The following MRPS18C variants were observed in gnomAD, a reference collection of about 807,000 sequenced individuals.
MRPS18C encodes the protein mitochondrial ribosomal protein S18C, also known as small ribosomal subunit protein bS18m.
Under a neutral mutation model 21.0 loss-of-function variants are expected in MRPS18C, and 21 were observed. The observed-to-expected ratio is 1.00, with a 90% CI of 0.71 to 1.44. MRPS18C has a LOEUF of 1.44. MRPS18C is among the 40% of genes most tolerant of loss of function. The pLI, the probability that MRPS18C is intolerant of heterozygous loss-of-function variation, is 0.00. For missense variants in MRPS18C, 152 were observed against 171.5 expected, an observed-to-expected ratio of 0.89 and a Z score of 0.64; for synonymous variants, 65 against 54.3, an observed-to-expected ratio of 1.20 and a Z score of -0.87.
At chr4:83,459,112 C>T (rs1721976818) in intron 3 of MRPS18C, 2 of 139,884 alleles carry the variant, frequency 1.4e-5, no homozygotes, top group South Asian at 4.6e-4. Context: ...TGCCATTGCA[C>T]TCCAGCCTGG....
chr4:83,456,700 T>C (rs1203402101), intron 1 of MRPS18C, among the ~76,000 whole-genome samples: 3 of 152,172 alleles, frequency 2.0e-5, no homozygotes, highest in African/African-American at 7.2e-5. Flanking sequence ...CGGGAAAATA[T>C]GTTCTTTTCC....
intron 2 of MRPS18C, 131 bp from the exon 3 acceptor site, chr4:83,458,215 G>T: frequency 1.6e-6 from 1 of 640,898 alleles, no homozygotes; most frequent in Non-Finnish European, 2.7e-6. Flanking sequence ...AAAATAAAGT[G>T]CTTATACAAA....
At position 83,462,261 on chromosome 4, in the gene MRPS18C, AAAAG is replaced by A. The variant is rs1722146838; in HGVS notation, c.*1065_*1068del. ...CTCAACAACTTAGTGAAAGGTGAAA[AAAAG>A]GTTTGGAAATAAAAGCATCTGATGT... On this transcript the variant is annotated 3_prime_UTR_variant, in exon 6 of 6. Transcript: ENST00000295491. 7 of 529,670 alleles carry A rather than the reference AAAAG, an allele frequency of 1.3e-5. No homozygotes were observed. The highest frequency in any genetic ancestry group is 2.3e-5 in the Non-Finnish European group (7 of 302,398). The allele number at this position is 529,670 out of a possible 1,614,324, so 32.8% of individuals were successfully genotyped here. A position where few individuals can be genotyped will look rare whatever the true frequency, so the allele number is the denominator to read the frequency against.
Position 83,461,869 on chromosome 4 carries a change from A to G in MRPS18C, c.*672A>G, listed in dbSNP as rs1722131768. The G allele has an allele frequency of 4.4e-6, 1 of 228,922 alleles. No individual in the cohort carries two copies. The highest frequency in any genetic ancestry group is 6.3e-5 in the East Asian group (1 of 15,842). The allele number at this position is 228,922 out of a possible 1,614,324, so 14.2% of individuals were successfully genotyped here. A position where few individuals can be genotyped will look rare whatever the true frequency, so the allele number is the denominator to read the frequency against. On this transcript the variant is annotated 3_prime_UTR_variant, in exon 6 of 6. Coordinates refer to ENST00000295491, the MANE Select transcript of MRPS18C (RefSeq NM_016067.4). ...ATTAAGGCTGCCAGATTTAGCAAGT[A>G]CAAATGTAGGACAAATTTAAATTTT...
chr4:83,461,168 A>G lies in MRPS18C; in HGVS notation c.400A>G (p.Lys134Glu), dbSNP rs753785951. 1 of 1,612,764 alleles carries G rather than the reference A, an allele frequency of 6.2e-7. No homozygotes were observed. Among genetic ancestry groups the G allele is most frequent in the African/African-American group, 1.3e-5 (1 of 74,996 alleles). The change falls in exon 6 of 6, where the codon AAA (lysine) becomes GAA (glutamate). Residue 134 changes from lysine to glutamate, a missense_variant. This residue lies in a region of MRPS18C where 34 missense variants were observed against 67.1 expected (regional missense o/e 0.51). Coordinates refer to ENST00000295491, the MANE Select transcript of MRPS18C (RefSeq NM_016067.4). ...YKDPAYLKDP[K>E]VCNIRYRE The stretch of plus-strand genomic sequence containing the variant: ...GGATCCTGCATATCTCAAGGACCCT[A>G]AAGTTTGTAACATCAGATATCGGGA...
At chr4:83,458,485 T>C in intron 3 of MRPS18C, 56 bp downstream of exon 3, 1 of 1,328,778 alleles carries the variant, frequency 7.5e-7, no homozygotes, top group Non-Finnish European at 1.0e-6. Flanking sequence ...ATAGATCTGC[T>C]TAAAGAGAAT....
Position 83,462,132 on chromosome 4 carries a change from A to G in MRPS18C, c.*935A>G, listed in dbSNP as rs978163251. The G allele has an allele frequency of 2.7e-5, 7 of 260,292 alleles. No homozygotes were observed. Among genetic ancestry groups the G allele is most frequent in the South Asian group, 2.7e-4 (2 of 7,356 alleles). The allele number at this position is 260,292 out of a possible 1,614,324, so 16.1% of individuals were successfully genotyped here. ...GGTCTCTAACTCCTAACTTCAATCA[A>G]TCCTCCTGACTTGTCTTCCCTAAGT... On this transcript the variant is annotated 3_prime_UTR_variant, in exon 6 of 6. Transcript: ENST00000295491.
At chr4:83,456,791 A>T in intron 1 of MRPS18C, 118 bp from the exon 2 acceptor site, 1 of 1,003,344 alleles carries the variant, frequency 1.0e-6, no homozygotes, top group Non-Finnish European at 1.5e-6. Flanking sequence ...TGAATATAAT[A>T]CAAAACCTTT....
rs1722084104 is a variant in MRPS18C, at chr4:83,460,999, AT to A, written c.320del (p.Ile107ThrfsTer10). 6.2e-7 allele frequency: 1 copy of A among 1,609,008 alleles called. No homozygotes were observed. Among genetic ancestry groups the A allele is most frequent in the Non-Finnish European group, 8.5e-7 (1 of 1,178,656 alleles). On this transcript the variant is annotated frameshift_variant, in exon 5 of 6. Transcript: ENST00000295491. LOFTEE classifies it high-confidence loss of function. The stretch of plus-strand genomic sequence containing the variant: ...TCTTTGTGGGAAGAAACAGAAAGAA[AT>A]CACAAAAGCAATTAAGAGAGCTCAA... ...TGLCGKKQKE[I>X]TKAIKRAQIM...
chr4:83,461,410 G>T lies in MRPS18C; in HGVS notation c.*213G>T. ...CTATGTTGAATAAAAGTGGTTCTGT[G>T]TGATTGTCATTTATATCTGATCCCC... On this transcript the variant is annotated 3_prime_UTR_variant, in exon 6 of 6. Transcript: ENST00000295491. 1 of 504,904 alleles carries T rather than the reference G, an allele frequency of 2.0e-6. No homozygotes were observed. Among genetic ancestry groups the T allele is most frequent in the Non-Finnish European group, 3.6e-6 (1 of 278,280 alleles). The allele number at this position is 504,904 out of a possible 1,614,324, so 31.3% of individuals were successfully genotyped here.
intron 2 of MRPS18C, chr4:83,458,058 A>T (rs537438783): frequency 1.7e-5 from 5 of 292,800 alleles, no homozygotes; most frequent in South Asian, 1.5e-4. Flanking sequence ...AAATCTAAAA[A>T]TTTTTTCATT....
chr4:83,458,114 C>A (rs1721933796), intron 2 of MRPS18C: 1 of 404,936 alleles, frequency 2.5e-6, no homozygotes, highest in Admixed American at 4.9e-5. Context: ...TATCAGACAT[C>A]ATTTTTGTTC....
At position 83,462,195 on chromosome 4, in the gene MRPS18C, A is replaced by G. The variant is rs1228930848; in HGVS notation, c.*998A>G. The stretch of plus-strand genomic sequence containing the variant: ...GGTGTGAGCCACTGTGCCTGGTCTC[A>G]CTTTTCCAATTCTAAAGAATGTGTC... On this transcript the variant is annotated 3_prime_UTR_variant, in exon 6 of 6. Coordinates refer to ENST00000295491, the MANE Select transcript of MRPS18C (RefSeq NM_016067.4). The G allele has an allele frequency of 1.0e-5, 4 of 382,082 alleles. No homozygotes were observed. Among genetic ancestry groups the G allele is most frequent in the Middle Eastern group, 1.4e-3 (2 of 1,416 alleles). 23.7% of individuals were successfully genotyped at this position (382,082 alleles called of 1,614,324 possible). A position where few individuals can be genotyped will look rare whatever the true frequency, so the allele number is the denominator to read the frequency against.
chr4:83,459,928 G>C, intron 4 of MRPS18C, 131 bp downstream of exon 4: 2 of 681,372 alleles, frequency 2.9e-6, no homozygotes, highest in Non-Finnish European at 4.8e-6. Context: ...ACAGGGACTA[G>C]AGCTAGTTAC....
At position 83,458,326 on chromosome 4, in the gene MRPS18C, C is replaced by G. The variant is rs764853363; in HGVS notation, c.151-20C>G. The G allele has an allele frequency of 2.0e-6, 3 of 1,504,254 alleles. No homozygotes were observed. Among genetic ancestry groups the G allele is most frequent in the Non-Finnish European group, 2.8e-6 (3 of 1,085,464 alleles). The allele number at this position is 1,504,254 out of a possible 1,614,324, so 93.2% of individuals were successfully genotyped here. ...AGAATTAACACATCCTATTATCAGACTTTTCGTTTTTTTCCCTAGCCCATT... is the reference window on the plus strand; with the variant it reads ...AGAATTAACACATCCTATTATCAGAGTTTTCGTTTTTTTCCCTAGCCCATT... On this transcript the variant is annotated intron_variant, in intron 2 of 5. Transcript: ENST00000295491.
chr4:83,457,566 C>G (rs1397513243), intron 2 of MRPS18C: 1 of 152,270 alleles, frequency 6.6e-6, no homozygotes, highest in African/African-American at 2.4e-5. Flanking sequence ...CTCTGAGCAT[C>G]TGTCTTGGTA....
chr4:83,462,152 C>T lies in MRPS18C; in HGVS notation c.*955C>T, dbSNP rs1722141585. On this transcript the variant is annotated 3_prime_UTR_variant, in exon 6 of 6. Coordinates refer to ENST00000295491, the MANE Select transcript of MRPS18C (RefSeq NM_016067.4). ...AATCAATCCTCCTGACTTGTCTTCCCTAAGTGCTGGGATTACAGGTGTGAG... is the reference window on the plus strand; with the variant it reads ...AATCAATCCTCCTGACTTGTCTTCCTTAAGTGCTGGGATTACAGGTGTGAG... 3.6e-6 allele frequency: 1 copy of T among 281,064 alleles called. No homozygotes were observed. Among genetic ancestry groups the T allele is most frequent in the Non-Finnish European group, 6.7e-6 (1 of 150,340 alleles). The allele number at this position is 281,064 out of a possible 1,614,324, so 17.4% of individuals were successfully genotyped here.
intron 4 of MRPS18C, chr4:83,460,212 C>CTGTGG (rs2110029989): frequency 6.6e-6 from 1 of 151,516 alleles, no homozygotes; most frequent in South Asian, 2.1e-4. Flanking sequence ...GGCTGGAGTG[C>CTGTGG]TGTGGCACAA....
chr4:83,460,720 A>AT, intron 4 of MRPS18C: 1 of 396,956 alleles, frequency 2.5e-6, no homozygotes, highest in Non-Finnish European at 4.6e-6. Context: ...CCTGGCCAAT[A>AT]TGGTGAAACC....
Sources: gnomAD v4.1 joint callset for allele counts (sites outside exome capture counted in the v4.1 genomes callset) on GRCh38, gnomAD v4.1.1 for gene constraint, gnomAD v4.1.1 regional missense constraint, MANE v1.5 for transcripts, NCBI Gene and HGNC (gene_info 2026-07-23, HGNC 2026-07-21) for gene names.